LRRC1: variants seen among roughly 807,000 people sequenced by gnomAD.
LRRC1 encodes the protein leucine-rich repeat-containing protein 1.
Under a neutral mutation model 69.9 loss-of-function variants are expected in LRRC1, and 28 were observed. The ratio of observed to expected loss-of-function variants is 0.40; its 90% CI spans 0.30 to 0.55. The LOEUF (loss-of-function observed/expected upper bound fraction) is 0.55, where lower values mean the gene tolerates loss of function less well. Among genes scored for constraint, LRRC1 ranks in the 20% least tolerant of loss-of-function variants. The pLI, the probability that LRRC1 is intolerant of heterozygous loss-of-function variation, is 0.47. For missense variants in LRRC1, 498 were observed against 609.0 expected, an observed-to-expected ratio of 0.82 and a Z score of 1.92; for synonymous variants, 236 against 240.2, an observed-to-expected ratio of 0.98 and a Z score of 0.16.
rs1767992841 is a variant in LRRC1 at position 53,899,886 on chromosome 6, G to GT, written c.782_783insT (p.Ile262HisfsTer16). ...AACTTATTAGAAACGATTCCGGATG[G>GT]CATTGGTAAGCATTGGAAATCACTA... On this transcript the variant is annotated frameshift_variant, in exon 8 of 14. Coordinates refer to ENST00000370888, the MANE Select transcript of LRRC1 (RefSeq NM_018214.5). LOFTEE classifies it high-confidence loss of function. 6.2e-7 allele frequency: 1 copy of GT among 1,613,514 alleles called. No individual in the cohort carries two copies. Among genetic ancestry groups the GT allele is most frequent in the Non-Finnish European group, 8.5e-7 (1 of 1,179,802 alleles).
At position 53,864,021 on chromosome 6, in the gene LRRC1, A is replaced by G. The variant is rs78012355; in HGVS notation, c.278-14972A>G. ...CACTCTGTCTGCCTCCTCTTTATCT[A>G]CTGCCTTCTCAATCTTTGTAAAAAT... On this transcript the variant is annotated intron_variant, in intron 2 of 13. Coordinates refer to ENST00000370888, the MANE Select transcript of LRRC1 (RefSeq NM_018214.5). 8.4e-3 allele frequency among the ~76,000 whole-genome samples: 1,278 copies of G among 152,160 alleles called. 23 individuals are homozygous for G. The highest frequency in any genetic ancestry group is 0.028 in the African/African-American group (1,167 of 41,438).
intron 8 of LRRC1, among the ~76,000 whole-genome samples, chr6:53,901,063 G>A (rs940211468): frequency 4.8e-5 from 2 of 41,540 alleles, no homozygotes; most frequent in African/African-American, 1.6e-4. Flanking sequence ...TTGGCTCTAT[G>A]CGAGATGTTC....
intron 1 of LRRC1, among the ~76,000 whole-genome samples, chr6:53,837,149 G>A (rs1390492781): frequency 6.6e-6 from 1 of 151,404 alleles, no homozygotes; most frequent in Non-Finnish European, 1.5e-5. Flanking sequence ...TTATAGTTTT[G>A]GGGTATTATA....
At chr6:53,912,637 G>T (rs1268748195) in intron 10 of LRRC1, among the ~76,000 whole-genome samples, 2 of 151,880 alleles carry the variant, frequency 1.3e-5, no homozygotes, top group Non-Finnish European at 2.9e-5. Context: ...TATTTTTAAG[G>T]GAGGAAATAA....
At chr6:53,796,435 G>C (rs553207987) in intron 1 of LRRC1, among the ~76,000 whole-genome samples, 1 of 152,330 alleles carries the variant, frequency 6.6e-6, no homozygotes, top group South Asian at 2.1e-4. Context: ...TAGGGAGACT[G>C]CTGGCAGTCG....
intron 7 of LRRC1, 72 bp from the exon 8 acceptor site, chr6:53,899,675 A>C (rs1046832349): frequency 2.1e-5 from 31 of 1,461,906 alleles, no homozygotes; most frequent in Middle Eastern, 2.0e-4. Flanking sequence ...ATTGTGAAAA[A>C]TCACTGGAAC....
chr6:53,795,136 A>G lies in LRRC1; in HGVS notation c.-121A>G. ...GAAGCCCGGCGCGAGAAGCGAGCTA[A>G]CCCAAGAGCCAACAACGAGCGCGGA... is the stretch of plus-strand genomic sequence containing the variant. On this transcript the variant is annotated 5_prime_UTR_variant, in exon 1 of 14. Coordinates refer to ENST00000370888, the MANE Select transcript of LRRC1 (RefSeq NM_018214.5). 1.1e-6 allele frequency: 1 copy of G among 878,104 alleles called. No homozygotes were observed. Among genetic ancestry groups the G allele is most frequent in the Non-Finnish European group, 1.7e-6 (1 of 600,712 alleles). 54.4% of individuals were successfully genotyped at this position (878,104 alleles called of 1,614,324 possible). A position where few individuals can be genotyped will look rare whatever the true frequency, so the allele number is the denominator to read the frequency against.
chr6:53,813,433 C>G (rs369949400), intron 1 of LRRC1, among the ~76,000 whole-genome samples: 15 of 152,034 alleles, frequency 9.9e-5, no homozygotes, highest in South Asian at 4.2e-4. Context: ...TATAGACAAA[C>G]CTGTGCAAAC....
chr6:53,845,710 A>G (rs1036342236), intron 2 of LRRC1, among the ~76,000 whole-genome samples: 1 of 152,238 alleles, frequency 6.6e-6, no homozygotes, highest in Non-Finnish European at 1.5e-5. Context: ...TTGAATGTGC[A>G]AGGAATTATC....
chr6:53,867,864 G>T (rs537107848), intron 2 of LRRC1, among the ~76,000 whole-genome samples: 11 of 151,300 alleles, frequency 7.3e-5, no homozygotes, highest in Non-Finnish European at 1.2e-4. Flanking sequence ...TGAGGTGGGA[G>T]GATTATTGGA....
At chr6:53,856,506 C>G (rs1025868272) in intron 2 of LRRC1, among the ~76,000 whole-genome samples, 3 of 152,068 alleles carry the variant, frequency 2.0e-5, no homozygotes. Flanking sequence ...CTCTGAGCAG[C>G]AAGATGCAGA....
intron 4 of LRRC1, among the ~76,000 whole-genome samples, chr6:53,893,472 A>C (rs1220766304): frequency 1.3e-5 from 2 of 152,208 alleles, no homozygotes; most frequent in East Asian, 3.9e-4. Context: ...GTATTACCTC[A>C]GAATATAAGG....
At chr6:53,910,669 T>C (rs753238627) in intron 10 of LRRC1, among the ~76,000 whole-genome samples, 3 of 152,250 alleles carry the variant, frequency 2.0e-5, no homozygotes, top group African/African-American at 4.8e-5. Flanking sequence ...GTTTCTATGA[T>C]AGGCGCCAAA....
chr6:53,920,563 T>C, intron 12 of LRRC1, 62 bp from the exon 13 acceptor site: 1 of 1,603,088 alleles, frequency 6.2e-7, no homozygotes, highest in Non-Finnish European at 8.5e-7. Flanking sequence ...GCCGCAAAGT[T>C]CATAGCATTT....
intron 1 of LRRC1, among the ~76,000 whole-genome samples, chr6:53,840,758 CT>C: frequency 6.6e-6 from 1 of 151,822 alleles, no homozygotes; most frequent in African/African-American, 2.4e-5. Context: ...TCTAATTATG[CT>C]TTTTATGGTG....
chr6:53,800,921 T>C (rs927100870), intron 1 of LRRC1, among the ~76,000 whole-genome samples: 3 of 152,250 alleles, frequency 2.0e-5, no homozygotes, highest in African/African-American at 7.2e-5. Flanking sequence ...ATTACAGGCG[T>C]TAGCCACTGT....
At chr6:53,868,326 A>G (rs1255310889) in intron 2 of LRRC1, among the ~76,000 whole-genome samples, 1 of 150,476 alleles carries the variant, frequency 6.6e-6, no homozygotes, top group East Asian at 1.9e-4. Context: ...CGTTTAAGCG[A>G]TTCTCCTGCC....
chr6:53,825,974 G>T (rs576362196), intron 1 of LRRC1, among the ~76,000 whole-genome samples: 1 of 151,884 alleles, frequency 6.6e-6, no homozygotes, highest in East Asian at 2.0e-4. Context: ...TACTGGCTGA[G>T]TGTCCTTGAA....
chr6:53,837,655 G>A (rs1765651615), intron 1 of LRRC1, among the ~76,000 whole-genome samples: 1 of 152,088 alleles, frequency 6.6e-6, no homozygotes, highest in Non-Finnish European at 1.5e-5. Context: ...GGGCAACTGG[G>A]GGACAATTGA....
Sources: allele counts gnomAD v4.1 joint callset (sites outside exome capture counted in the v4.1 genomes callset), GRCh38; gene constraint gnomAD v4.1.1; transcripts MANE v1.5; gene names NCBI Gene and HGNC (gene_info 2026-07-23, HGNC 2026-07-21).